The following CPB2 variants were observed in gnomAD, a reference collection of about 807,000 sequenced individuals.
CPB2 encodes the protein carboxypeptidase B2.
In CPB2, 54 loss-of-function variants were observed where a neutral mutation model predicts 57.0. That is an observed-to-expected ratio of 0.95 (90% CI 0.76 to 1.19). CPB2 has a LOEUF of 1.19. CPB2 is among the 50% of genes most tolerant of loss of function. The pLI is 0.00. For synonymous variants in CPB2, 189 were observed against 178.1 expected, an observed-to-expected ratio of 1.06 and a Z score of -0.49; for missense variants, 426 against 512.0, an observed-to-expected ratio of 0.83 and a Z score of 1.62.
At chr13:46,056,083 T>C (rs921172825) in intron 9 of CPB2, among the ~76,000 whole-genome samples, 1 of 151,772 alleles carries the variant, frequency 6.6e-6, no homozygotes, top group African/African-American at 2.4e-5. Flanking sequence ...TTGAAATAAT[T>C]TATATAAATA....
intron 8 of CPB2, among the ~76,000 whole-genome samples, chr13:46,062,128 G>C (rs1475245576): frequency 6.6e-6 from 1 of 151,028 alleles, no homozygotes; most frequent in Admixed American, 6.6e-5. Flanking sequence ...GCCCAAGAGG[G>C]GACTGAGACA....
intron 1 of CPB2, among the ~76,000 whole-genome samples, chr13:46,092,180 C>A (rs1171331357): frequency 1.3e-5 from 2 of 152,144 alleles, no homozygotes; most frequent in Non-Finnish European, 2.9e-5. Context: ...TCCAGTTATA[C>A]CCTCCTTTAT....
At chr13:46,073,491 G>A in intron 6 of CPB2, 1 of 982,788 alleles carries the variant, frequency 1.0e-6, no homozygotes, top group Non-Finnish European at 1.2e-6. Flanking sequence ...GGGCAAAGGT[G>A]GCAAAAGATG....
At chr13:46,062,992 G>A in intron 8 of CPB2, among the ~76,000 whole-genome samples, 1 of 152,168 alleles carries the variant, frequency 6.6e-6, no homozygotes. Context: ...AGATGTTTCT[G>A]TGGATACAAT....
At chr13:46,100,470 G>A (rs912993600) in intron 1 of CPB2, 1 of 148,180 alleles carries the variant, frequency 6.7e-6, no homozygotes, top group African/African-American at 2.5e-5. Context: ...TGGAAAGAGG[G>A]AGAGGATTTG....
chr13:46,056,577 G>A (rs2044700574), intron 9 of CPB2, among the ~76,000 whole-genome samples: 1 of 152,162 alleles, frequency 6.6e-6, no homozygotes, highest in Non-Finnish European at 1.5e-5. Context: ...CAAAAAATAA[G>A]TTTTAATGTA....
intron 5 of CPB2, among the ~76,000 whole-genome samples, chr13:46,077,740 A>C (rs898975779): frequency 2.6e-5 from 4 of 152,214 alleles, no homozygotes; most frequent in African/African-American, 9.6e-5. Context: ...GTGGATATGC[A>C]TGTGGAAAAT....
At chr13:46,080,484 C>G (rs2045095784) in intron 4 of CPB2, among the ~76,000 whole-genome samples, 1 of 152,164 alleles carries the variant, frequency 6.6e-6, no homozygotes, top group African/African-American at 2.4e-5. Flanking sequence ...ACCCCTTTCT[C>G]CAATTCATAT....
chr13:46,102,488 A>G (rs1283235807), intron 1 of CPB2, among the ~76,000 whole-genome samples: 1 of 146,928 alleles, frequency 6.8e-6, no homozygotes, highest in Non-Finnish European at 1.5e-5. Flanking sequence ...CCTACAAATC[A>G]GCCACTAAGA....
chr13:46,080,779 T>A (rs1040638600), intron 4 of CPB2, among the ~76,000 whole-genome samples: 1 of 152,136 alleles, frequency 6.6e-6, no homozygotes, highest in Non-Finnish European at 1.5e-5. Flanking sequence ...AAGACCAGCC[T>A]GTCCAACATG....
At chr13:46,061,246 A>G (rs1249735898) in intron 8 of CPB2, among the ~76,000 whole-genome samples, 1 of 152,246 alleles carries the variant, frequency 6.6e-6, no homozygotes, top group Non-Finnish European at 1.5e-5. Flanking sequence ...TCTCCTAGAA[A>G]AAGAAATAAA....
intron 1 of CPB2, among the ~76,000 whole-genome samples, chr13:46,088,213 T>C (rs1425789400): frequency 1.3e-5 from 2 of 152,194 alleles, no homozygotes; most frequent in Admixed American, 1.3e-4. Flanking sequence ...CCAGCTTCCT[T>C]GACATCCTGA....
rs897186196 is a variant in CPB2 at position 46,053,719 on chromosome 13, C to G, written c.1167G>C (p.Thr389=). 7 of 1,613,960 alleles carry G rather than the reference C, an allele frequency of 4.3e-6. No individual in the cohort carries two copies. The highest frequency in any genetic ancestry group is 5.9e-6 in the Non-Finnish European group (7 of 1,180,012). Residue 389 remains threonine, a synonymous_variant, in exon 11 of 11, where the codon ACG becomes ACC. Transcript: ENST00000181383. ...CCGGCAGCAAGAATCCGTATGTGCCCGTATCTCGAAGTTCAATTGTAAACG... is the reference window on the plus strand; with the variant it reads ...CCGGCAGCAAGAATCCGTATGTGCCGGTATCTCGAAGTTCAATTGTAAACG... ...KYSFTIELRD[T]GTYGFLLPER...
intron 8 of CPB2, among the ~76,000 whole-genome samples, chr13:46,060,844 G>T (rs2044762294): frequency 6.6e-6 from 1 of 152,138 alleles, no homozygotes; most frequent in South Asian, 2.1e-4. Context: ...GTTAATTTGG[G>T]CAACTACTTC....
At chr13:46,071,498 G>C (rs1174711572) in intron 6 of CPB2, among the ~76,000 whole-genome samples, 1 of 152,162 alleles carries the variant, frequency 6.6e-6, no homozygotes, top group Non-Finnish European at 1.5e-5. Flanking sequence ...GTAGAACAGA[G>C]AACAAGGAAC....
At chr13:46,083,128 A>G (rs1477638613) in intron 3 of CPB2, among the ~76,000 whole-genome samples, 4 of 152,136 alleles carry the variant, frequency 2.6e-5, no homozygotes, top group Non-Finnish European at 5.9e-5. Context: ...CAGGCATTCT[A>G]TCGCCTGAGA....
chr13:46,074,594 C>T (rs1276008055), intron 5 of CPB2, among the ~76,000 whole-genome samples: 1 of 152,138 alleles, frequency 6.6e-6, no homozygotes, highest in African/African-American at 2.4e-5. Context: ...TCAATAATAG[C>T]CTTTGATGTC....
At chr13:46,084,172 A>T (rs1329106540) in intron 3 of CPB2, 47 bp downstream of exon 3, 1 of 1,602,290 alleles carries the variant, frequency 6.2e-7, no homozygotes, top group Non-Finnish European at 8.5e-7. Context: ...TCAAGTGCAT[A>T]GTAAGTGTTT....
chr13:46,063,633 G>A (rs948527469), intron 8 of CPB2, among the ~76,000 whole-genome samples: 13 of 152,100 alleles, frequency 8.5e-5, no homozygotes, highest in Non-Finnish European at 1.8e-4. Flanking sequence ...ATGAACATAT[G>A]ATTGCATGTG....
Sources: gnomAD v4.1 joint callset for allele counts (sites outside exome capture counted in the v4.1 genomes callset) on GRCh38, gnomAD v4.1.1 for gene constraint, MANE v1.5 for transcripts, NCBI Gene and HGNC (gene_info 2026-07-23, HGNC 2026-07-21) for gene names.